RCOR1: variants seen among roughly 807,000 people sequenced by gnomAD.
RCOR1 encodes REST corepressor 1.
RCOR1 carries 12 observed loss-of-function variants against 64.0 expected under a neutral mutation model. The ratio of observed to expected loss-of-function variants is 0.19; its 90% CI spans 0.12 to 0.30. The LOEUF (loss-of-function observed/expected upper bound fraction) is 0.30, where lower values mean the gene tolerates loss of function less well. Ranked by LOEUF, RCOR1 falls within the 10% of genes least tolerant of loss-of-function variation. The pLI is 1.00. For missense variants in RCOR1, 502 were observed against 621.2 expected, an observed-to-expected ratio of 0.81 and a Z score of 2.04; for synonymous variants, 279 against 227.2, an observed-to-expected ratio of 1.23 and a Z score of -2.05.
chr14:102,622,899 G>T (rs542841388), intron 2 of RCOR1, among the ~76,000 whole-genome samples: 5 of 152,294 alleles, frequency 3.3e-5, no homozygotes, highest in African/African-American at 9.6e-5. Flanking sequence ...TGCTGTGGAG[G>T]ATTGAACCTC....
intron 3 of RCOR1, among the ~76,000 whole-genome samples, chr14:102,689,017 T>C (rs913229489): frequency 6.6e-6 from 1 of 152,214 alleles, no homozygotes; most frequent in Non-Finnish European, 1.5e-5. Context: ...ACCACTGCAC[T>C]GCGCAGTGTA....
At position 102,655,326 on chromosome 14, in the gene RCOR1, C is replaced by G. The variant is rs975867097; in HGVS notation, c.362-26569C>G. ...GTTTAAATACTGGAGAATATCTGAC[C>G]TGTTGTACTTTACTTTAGAATGGCA... is the stretch of plus-strand genomic sequence containing the variant. On this transcript the variant is annotated intron_variant, in intron 2 of 11. Coordinates refer to ENST00000262241, the MANE Select transcript of RCOR1 (RefSeq NM_015156.4). The G allele has an allele frequency of 6.1e-6, 6 of 984,970 alleles. No homozygotes were observed. The African/African-American group carries it at 1.0e-4, about 17-fold the overall frequency. 61.0% of individuals were successfully genotyped at this position (984,970 alleles called of 1,614,324 possible).
chr14:102,694,569 C>T (rs1036020314), intron 3 of RCOR1, among the ~76,000 whole-genome samples: 1 of 152,188 alleles, frequency 6.6e-6, no homozygotes, highest in Non-Finnish European at 1.5e-5. Flanking sequence ...GCCATTGCGC[C>T]CGGCCAAGAA....
At chr14:102,694,233 C>CA in intron 3 of RCOR1, among the ~76,000 whole-genome samples, 1 of 152,268 alleles carries the variant, frequency 6.6e-6, no homozygotes, top group Non-Finnish European at 1.5e-5. Context: ...GGGATTTTAA[C>CA]AAACTCCCAC....
At chr14:102,602,970 T>C (rs1893434099) in intron 2 of RCOR1, among the ~76,000 whole-genome samples, 1 of 152,128 alleles carries the variant, frequency 6.6e-6, no homozygotes, top group Non-Finnish European at 1.5e-5. Context: ...CCTCCCAAAG[T>C]GTTGAGATTA....
rs562129279 is a variant in RCOR1, at chr14:102,657,098, C to G, written c.362-24797C>G. On this transcript the variant is annotated intron_variant, in intron 2 of 11. Coordinates refer to ENST00000262241, the MANE Select transcript of RCOR1 (RefSeq NM_015156.4). Reference sequence around the variant, plus strand: ...CTAGAAACATCTTCTAAAGCCTAATCTTTTTTTTTTTTCCTTATATAATTT... The same window carrying G: ...CTAGAAACATCTTCTAAAGCCTAATGTTTTTTTTTTTTCCTTATATAATTT... 8.2e-6 allele frequency: 6 copies of G among 729,768 alleles called. No individual in the cohort carries two copies. The Admixed American group carries it at 2.0e-4, about 24-fold the overall frequency. 45.2% of individuals were successfully genotyped at this position (729,768 alleles called of 1,614,324 possible).
Position 102,729,944 on chromosome 14 carries a change from T to A in RCOR1, c.*3438T>A, listed in dbSNP as rs1486959943. On this transcript the variant is annotated 3_prime_UTR_variant, in exon 12 of 12. Transcript: ENST00000262241. ...CAAGTGAAACTTTCCTCAGATGGAC[T>A]CCAGGTAGCCAGGTCACCTAAACCT... 11 of 399,086 alleles carry A rather than the reference T, an allele frequency of 2.8e-5. No homozygotes were observed. In the East Asian group the frequency reaches 2.8e-4, roughly 10 times the overall value. 24.7% of individuals were successfully genotyped at this position (399,086 alleles called of 1,614,324 possible).
intron 7 of RCOR1, among the ~76,000 whole-genome samples, chr14:102,712,248 C>T (rs958509805): frequency 2.0e-5 from 3 of 151,766 alleles, no homozygotes. Flanking sequence ...AGTAGTATGA[C>T]CTTGGCTCAC....
At chr14:102,642,952 G>C (rs566474054) in intron 2 of RCOR1, among the ~76,000 whole-genome samples, 1 of 152,278 alleles carries the variant, frequency 6.6e-6, no homozygotes, top group African/African-American at 2.4e-5. Context: ...AGATTTTACA[G>C]TGTCCTAAAC....
intron 3 of RCOR1, among the ~76,000 whole-genome samples, chr14:102,685,461 T>G (rs751707398): frequency 6.6e-6 from 1 of 152,136 alleles, no homozygotes; most frequent in Non-Finnish European, 1.5e-5. Context: ...TGACTCTAGT[T>G]TAACATTAAT....
intron 4 of RCOR1, among the ~76,000 whole-genome samples, chr14:102,705,267 C>G (rs1203259784): frequency 1.3e-5 from 2 of 152,132 alleles, no homozygotes; most frequent in East Asian, 3.8e-4. Flanking sequence ...TGTGAAATGC[C>G]TCATGATCAT....
In RCOR1 at chr14:102,593,174, C is replaced by T. The variant is rs1893168637; in HGVS notation, c.288C>T (p.Ser96=). The T allele has an allele frequency of 1.3e-6, 2 of 1,516,454 alleles. No individual in the cohort carries two copies. Among genetic ancestry groups the T allele is most frequent in the East Asian group, 2.8e-5 (1 of 36,196 alleles). 93.9% of individuals were successfully genotyped at this position (1,516,454 alleles called of 1,614,324 possible). A position where few individuals can be genotyped will look rare whatever the true frequency, so the allele number is the denominator to read the frequency against. ...SWEEGSSGSS[S]DEEHGGGGMR... The stretch of plus-strand genomic sequence containing the variant: ...AGGAAGGCAGCTCGGGCTCGTCCAG[C>T]GACGAGGAGCACGGTAGGTGGCAGC... The change falls in exon 1 of 12, where the codon AGC becomes AGT. Residue 96 remains serine, a synonymous_variant. Transcript: ENST00000262241.
intron 2 of RCOR1, among the ~76,000 whole-genome samples, chr14:102,629,806 T>G (rs567397891): frequency 6.6e-6 from 1 of 152,260 alleles, no homozygotes; most frequent in Non-Finnish European, 1.5e-5. Context: ...ATCTTTTTAA[T>G]CCTCATAACA....
intron 2 of RCOR1, among the ~76,000 whole-genome samples, chr14:102,601,339 T>G (rs1198286942): frequency 2.6e-5 from 4 of 152,200 alleles, no homozygotes; most frequent in Admixed American, 6.5e-5. Flanking sequence ...CTAGGCAATA[T>G]TTGCTTCAGG....
intron 2 of RCOR1, among the ~76,000 whole-genome samples, chr14:102,642,861 C>T (rs1894397687): frequency 6.6e-6 from 1 of 151,888 alleles, no homozygotes. Context: ...TCTGTGTTAG[C>T]ATAGTATCGG....
chr14:102,632,670 TTTCC>T (rs759695869), intron 2 of RCOR1, among the ~76,000 whole-genome samples: 9,767 of 56,974 alleles, frequency 0.17, 602 homozygotes, highest in South Asian at 0.22. Flanking sequence ...TTTCCTTTCC[TTTCC>T]TTTCCTTTTC....
intron 2 of RCOR1, among the ~76,000 whole-genome samples, chr14:102,660,934 G>T (rs535321691): frequency 1.7e-4 from 26 of 152,228 alleles, no homozygotes; most frequent in Middle Eastern, 6.8e-3. Context: ...TTTAAAAAGG[G>T]CAAAATTGTA....
intron 2 of RCOR1, among the ~76,000 whole-genome samples, chr14:102,649,132 G>A (rs1392517537): frequency 1.3e-5 from 2 of 151,910 alleles, no homozygotes; most frequent in Non-Finnish European, 2.9e-5. Context: ...CTGAACTCTG[G>A]CCTGGGTGAC....
chr14:102,710,768 AG>A, intron 6 of RCOR1, 166 bp from the exon 7 acceptor site: 1 of 598,794 alleles, frequency 1.7e-6, no homozygotes, highest in East Asian at 3.0e-5. Flanking sequence ...TGAATTACAA[AG>A]ATGTTTTTAT....
Sources: allele counts gnomAD v4.1 joint callset (sites outside exome capture counted in the v4.1 genomes callset), GRCh38; gene constraint gnomAD v4.1.1; transcripts MANE v1.5; gene names NCBI Gene and HGNC (gene_info 2026-07-23, HGNC 2026-07-21).